SLIT2: variants seen among roughly 807,000 people sequenced by gnomAD.
The protein encoded by SLIT2 is slit homolog 2 protein.
SLIT2 carries 41 observed loss-of-function variants against 185.7 expected under a neutral mutation model. That is an observed-to-expected ratio of 0.22 (90% confidence interval 0.17 to 0.29). The LOEUF is 0.29. Among genes scored for constraint, SLIT2 ranks in the 10% least tolerant of loss-of-function variants. The probability of loss-of-function intolerance (pLI) is 1.00; values close to 1 mark genes in which losing one functional copy is unlikely to be tolerated. For synonymous variants in SLIT2, 693 were observed against 680.2 expected (o/e 1.02, Z -0.29); for missense variants, 1,571 against 1,909.0 (o/e 0.82, Z 3.30).
chr4:20,369,836 T>C (rs1381993791), intron 4 of SLIT2, among the ~76,000 whole-genome samples: 1 of 152,136 alleles, frequency 6.6e-6, no homozygotes, highest in African/African-American at 2.4e-5. Flanking sequence ...GTTTCCACCC[T>C]CTTGCCTGAA....
At chr4:20,344,137 C>T (rs963082775) in intron 4 of SLIT2, among the ~76,000 whole-genome samples, 2 of 152,144 alleles carry the variant, frequency 1.3e-5, no homozygotes, top group African/African-American at 2.4e-5. Context: ...CGTGAGCCAC[C>T]GCGCCCGGCC....
chr4:20,542,705 A>G, intron 21 of SLIT2, 79 bp downstream of exon 21: 1 of 1,370,020 alleles, frequency 7.3e-7, no homozygotes, highest in South Asian at 1.3e-5. Context: ...ATGGACAAAA[A>G]TCTTTACAAT....
At chr4:20,403,231 A>G (rs1560392735) in intron 4 of SLIT2, among the ~76,000 whole-genome samples, 1 of 151,946 alleles carries the variant, frequency 6.6e-6, no homozygotes, top group African/African-American at 2.4e-5. Flanking sequence ...TCTAGATTGT[A>G]ACTATATTAA....
At chr4:20,534,514 A>G (rs954541038) in intron 18 of SLIT2, among the ~76,000 whole-genome samples, 2 of 152,218 alleles carry the variant, frequency 1.3e-5, no homozygotes, top group Admixed American at 6.5e-5. Context: ...ATACACACAT[A>G]TACATTGTAT....
intron 4 of SLIT2, among the ~76,000 whole-genome samples, chr4:20,467,031 A>G (rs1714432145): frequency 6.6e-6 from 1 of 152,176 alleles, no homozygotes; most frequent in Admixed American, 6.6e-5. Context: ...GATCCATTTC[A>G]TGAGATGAGC....
chr4:20,507,963 A>G (rs531962979), intron 9 of SLIT2, among the ~76,000 whole-genome samples: 3 of 152,152 alleles, frequency 2.0e-5, no homozygotes, highest in Admixed American at 6.5e-5. Context: ...AAATTTTACT[A>G]TAAGAATGAG....
At chr4:20,392,690 T>G (rs1379628636) in intron 4 of SLIT2, among the ~76,000 whole-genome samples, 1 of 152,098 alleles carries the variant, frequency 6.6e-6, no homozygotes, top group Non-Finnish European at 1.5e-5. Flanking sequence ...ATTTTTAATG[T>G]TTTTTCTTAC....
chr4:20,600,414 T>TA (rs201170857), intron 33 of SLIT2, among the ~76,000 whole-genome samples: 5,600 of 105,182 alleles, frequency 0.053, 268 homozygotes, highest in African/African-American at 0.16. Flanking sequence ...TTATGTTGCA[T>TA]TTTTTTTTTT....
Position 20,477,703 on chromosome 4 carries a change from A to G in SLIT2, c.468-3013A>G, listed in dbSNP as rs112589083. Among the ~76,000 whole-genome samples, 405 of 152,348 alleles carry G rather than the reference A, an allele frequency of 2.7e-3. 4 individuals carry two copies. The highest frequency in any genetic ancestry group is 2.9e-3 in the Non-Finnish European group (199 of 68,030). Reference sequence around the variant, plus strand: ...TTAGGTCAGCTGAAGGTCTGAAATAAACCACTTATGATACTTCTGCCCTTA... The same window carrying G: ...TTAGGTCAGCTGAAGGTCTGAAATAGACCACTTATGATACTTCTGCCCTTA... On this transcript the variant is annotated intron_variant, in intron 5 of 36. Coordinates refer to ENST00000504154, the MANE Select transcript of SLIT2 (RefSeq NM_004787.4).
chr4:20,443,388 T>G (rs1447960069), intron 4 of SLIT2, among the ~76,000 whole-genome samples: 2 of 152,072 alleles, frequency 1.3e-5, no homozygotes, highest in Non-Finnish European at 2.9e-5. Flanking sequence ...GACTAAAAGT[T>G]CAAGGGATTG....
chr4:20,576,511 T>C (rs1006717326), intron 29 of SLIT2, among the ~76,000 whole-genome samples: 1 of 152,222 alleles, frequency 6.6e-6, no homozygotes, highest in Admixed American at 6.5e-5. Context: ...TCATGATCTC[T>C]TAGTAACAGT....
chr4:20,411,023 A>T (rs957838123), intron 4 of SLIT2, among the ~76,000 whole-genome samples: 2 of 152,050 alleles, frequency 1.3e-5, no homozygotes, highest in East Asian at 3.8e-4. Flanking sequence ...CATTTTCATG[A>T]TATTGATTCT....
chr4:20,270,045 A>G (rs751588294), intron 4 of SLIT2, among the ~76,000 whole-genome samples: 1 of 151,956 alleles, frequency 6.6e-6, no homozygotes, highest in Non-Finnish European at 1.5e-5. Flanking sequence ...CTGCTGCTCA[A>G]TTGGACCAAT....
chr4:20,394,946 C>A (rs886316896), intron 4 of SLIT2: 1 of 151,920 alleles, frequency 6.6e-6, no homozygotes, highest in Non-Finnish European at 1.5e-5. Context: ...AAAATAATCA[C>A]AAGGCTTTGT....
intron 33 of SLIT2, among the ~76,000 whole-genome samples, chr4:20,599,660 T>C (rs1331923596): frequency 2.0e-5 from 3 of 152,190 alleles, no homozygotes; most frequent in African/African-American, 7.2e-5. Flanking sequence ...AACTCTTGAC[T>C]TTTCAGGAAA....
chr4:20,345,883 T>A (rs1189859134), intron 4 of SLIT2, among the ~76,000 whole-genome samples: 1 of 152,110 alleles, frequency 6.6e-6, no homozygotes, highest in Non-Finnish European at 1.5e-5. Flanking sequence ...TCTCCTATCT[T>A]CATGGAGCCA....
intron 4 of SLIT2, among the ~76,000 whole-genome samples, chr4:20,386,788 G>A (rs1724968687): frequency 6.6e-6 from 1 of 152,200 alleles, no homozygotes; most frequent in Non-Finnish European, 1.5e-5. Flanking sequence ...ATAGCTATGT[G>A]ATGCATGATG....
At chr4:20,284,331 AT>A in intron 4 of SLIT2, among the ~76,000 whole-genome samples, 1 of 152,210 alleles carries the variant, frequency 6.6e-6, no homozygotes. Context: ...GAAACTGCTA[AT>A]TCTTATATTG....
rs1244977747 is a variant in SLIT2, at chr4:20,528,513, G to C, written c.1463-436G>C. 2.8e-6 allele frequency: 1 copy of C among 355,542 alleles called. No homozygotes were observed. The highest frequency in any genetic ancestry group is 5.5e-6 in the Non-Finnish European group (1 of 180,842). The allele number at this position is 355,542 out of a possible 1,614,324, so 22.0% of individuals were successfully genotyped here. A position where few individuals can be genotyped will look rare whatever the true frequency, so the allele number is the denominator to read the frequency against. On this transcript the variant is annotated intron_variant, in intron 15 of 36. Coordinates refer to ENST00000504154, the MANE Select transcript of SLIT2 (RefSeq NM_004787.4). This position sits in a 1 kb window ranked among gnomAD's most constrained non-coding sequence, Gnocchi z 4.2. ...GGGAGAGAATAGTAAAAAGTCCATA[G>C]AAAATTTAAAAGCCTGAGTATATCT... is the stretch of plus-strand genomic sequence containing the variant.
Sources: gnomAD v4.1 joint callset for allele counts (sites outside exome capture counted in the v4.1 genomes callset) on GRCh38, gnomAD v4.1.1 for gene constraint, Gnocchi (gnomAD v3.1) non-coding constraint, MANE v1.5 for transcripts, NCBI Gene and HGNC (gene_info 2026-07-23, HGNC 2026-07-21) for gene names.